COL6A2: variants seen among roughly 807,000 people sequenced by gnomAD.
The protein encoded by COL6A2 is collagen type VI alpha 2 chain.
In COL6A2, 90 loss-of-function variants were observed where a neutral mutation model predicts 124.9. The ratio of observed to expected loss-of-function variants is 0.72; its 90% CI spans 0.61 to 0.86. COL6A2 has a LOEUF of 0.86. Ranked by LOEUF, COL6A2 falls within the 40% of genes least tolerant of loss-of-function variation. The pLI is 0.00. For missense variants in COL6A2, 1,607 were observed against 1,502.5 expected, an observed-to-expected ratio of 1.07 and a Z score of -1.15; for synonymous variants, 793 against 618.2, an observed-to-expected ratio of 1.28 and a Z score of -4.19.
chr21:46,108,276 C>T (rs1465024466), intron 1 of COL6A2, among the ~76,000 whole-genome samples: 1 of 152,140 alleles, frequency 6.6e-6, no homozygotes, highest in Non-Finnish European at 1.5e-5. Flanking sequence ...GTAAGATCTG[C>T]ACTGTTTGCC....
At chr21:46,103,950 A>T (rs2078312401) in intron 1 of COL6A2, among the ~76,000 whole-genome samples, 1 of 152,222 alleles carries the variant, frequency 6.6e-6, no homozygotes, top group Admixed American at 6.5e-5. Context: ...ATTCAAAAGC[A>T]ACCATATATG....
At chr21:46,117,083 C>T (rs1014922477) in intron 10 of COL6A2, among the ~76,000 whole-genome samples, 12 of 152,330 alleles carry the variant, frequency 7.9e-5, no homozygotes, top group East Asian at 1.9e-4. Context: ...AACAAGCCTA[C>T]CCACTCCCAG....
chr21:46,128,581 G>GA (rs1269886855), intron 27 of COL6A2, among the ~76,000 whole-genome samples: 1 of 152,224 alleles, frequency 6.6e-6, no homozygotes, highest in African/African-American at 2.4e-5. Context: ...GTTGCGTGGG[G>GA]ACCAGAGGGT....
chr21:46,127,678 C>T (rs76680609), intron 27 of COL6A2, among the ~76,000 whole-genome samples: 1 of 152,106 alleles, frequency 6.6e-6, no homozygotes, highest in East Asian at 1.9e-4. Context: ...CTCGGGACCC[C>T]ATGATGGGCG....
At chr21:46,123,812 GTGGATGAATGGA>G (rs139665117) in intron 21 of COL6A2, among the ~76,000 whole-genome samples, 21 of 142,548 alleles carry the variant, frequency 1.5e-4, no homozygotes, top group African/African-American at 5.4e-4. Flanking sequence ...TAGTGGGTGG[GTGGATGAATGGA>G]TGGGTGCATA....
chr21:46,100,723 G>GTCAGCAT (rs1259710859), intron 1 of COL6A2, among the ~76,000 whole-genome samples: 1 of 152,150 alleles, frequency 6.6e-6, no homozygotes, highest in African/African-American at 2.4e-5. Flanking sequence ...TGTAACGTAT[G>GTCAGCAT]TCAGCATTCC....
intron 27 of COL6A2, chr21:46,128,944 T>C (rs777935408): frequency 2.5e-6 from 4 of 1,611,178 alleles, no homozygotes; most frequent in East Asian, 4.5e-5. Context: ...TTTCTCGGGG[T>C]CCGTGGTGTC....
At chr21:46,111,875 G>A (rs560359370) in intron 2 of COL6A2, 104 bp from the exon 3 acceptor site, 29 of 1,248,974 alleles carry the variant, frequency 2.3e-5, no homozygotes, top group Middle Eastern at 4.5e-4. Flanking sequence ...TCTGGCATTC[G>A]GGGGCAGTGA....
chr21:46,132,741 T>TC lies in COL6A2; in HGVS notation c.*191dup, dbSNP rs2078780595. The TC allele has an allele frequency of 3.3e-5, 20 of 597,266 alleles. 1 individual carries two copies. Among genetic ancestry groups the TC allele is most frequent in the Middle Eastern group, 8.8e-4 (2 of 2,274 alleles). 37.0% of individuals were successfully genotyped at this position (597,266 alleles called of 1,614,324 possible). A position where few individuals can be genotyped will look rare whatever the true frequency, so the allele number is the denominator to read the frequency against. ...CCCAGCCCCAGGTCTCCCCAGGCCCTCCGCAGGCTGCCCGGCCTCCCTCCC... is the reference window on the plus strand; with the variant it reads ...CCCAGCCCCAGGTCTCCCCAGGCCCTCCCGCAGGCTGCCCGGCCTCCCTCCC... On this transcript the variant is annotated 3_prime_UTR_variant, in exon 28 of 28. Transcript: ENST00000300527.
chr21:46,127,325 C>T (rs543156955), intron 27 of COL6A2, among the ~76,000 whole-genome samples: 14 of 152,160 alleles, frequency 9.2e-5, no homozygotes, highest in African/African-American at 2.9e-4. Flanking sequence ...ACGCGGGTCG[C>T]GGTGTGCGTT....
At chr21:46,106,805 G>A (rs4819201) in intron 1 of COL6A2, among the ~76,000 whole-genome samples, 67,284 of 152,010 alleles carry the variant, frequency 0.44, 17,038 homozygotes, top group Admixed American at 0.58. Flanking sequence ...TAATTTTATC[G>A]TTTCATTTGA....
intron 1 of COL6A2, among the ~76,000 whole-genome samples, chr21:46,101,811 C>T (rs1316693575): frequency 1.4e-5 from 2 of 144,318 alleles, no homozygotes; most frequent in Admixed American, 7.0e-5. Flanking sequence ...GAAATTAGGA[C>T]ATGTGAGTCC....
At chr21:46,126,464 C>T (rs1279301648) in intron 26 of COL6A2, 39 bp from the exon 27 acceptor site, 1 of 1,611,906 alleles carries the variant, frequency 6.2e-7, no homozygotes, top group African/African-American at 1.3e-5. Context: ...TCGCTAGGGA[C>T]TGACCCTGGC....
At chr21:46,110,120 G>A (rs1344767245) in intron 1 of COL6A2, among the ~76,000 whole-genome samples, 2 of 152,152 alleles carry the variant, frequency 1.3e-5, no homozygotes, top group East Asian at 3.9e-4. Context: ...CCAGACAGGG[G>A]CAACACCGCC....
At chr21:46,122,353 C>T (rs1025367647) in intron 19 of COL6A2, 143 bp from the exon 20 acceptor site, 3 of 1,302,320 alleles carry the variant, frequency 2.3e-6, no homozygotes, top group Non-Finnish European at 3.3e-6. Flanking sequence ...AGGAAAAGAG[C>T]ACAGCTCAGA....
At chr21:46,131,840 T>G (rs1327373383) in intron 27 of COL6A2, 114 bp from the exon 28 acceptor site, 48 of 993,382 alleles carry the variant, frequency 4.8e-5, no homozygotes, top group Non-Finnish European at 7.0e-5. Flanking sequence ...CAGAGCCCAG[T>G]GGTCTGTGAG....
rs374669895 is a variant in COL6A2 at position 46,125,623 on chromosome 21, C to T, written c.1969+6C>T. The T allele has an allele frequency of 2.7e-5, 27 of 990,310 alleles. No homozygotes were observed. Among genetic ancestry groups the T allele is most frequent in the Admixed American group, 7.7e-5 (4 of 51,798 alleles). 61.3% of individuals were successfully genotyped at this position (990,310 alleles called of 1,614,324 possible). A position where few individuals can be genotyped will look rare whatever the true frequency, so the allele number is the denominator to read the frequency against. On this transcript the variant is annotated splice_donor_region_variant and intron_variant, in intron 25 of 27. Coordinates refer to ENST00000300527, the MANE Select transcript of COL6A2 (RefSeq NM_001849.4). ...GGACCCCAAGTCCGAGACAGGTCAG[C>T]GGGGCAGGGGCGGGTGCAGCATTGC...
chr21:46,130,534 G>C (rs1012563584), intron 27 of COL6A2, among the ~76,000 whole-genome samples: 11 of 151,898 alleles, frequency 7.2e-5, no homozygotes, highest in African/African-American at 2.7e-4. Context: ...GGGGATGAAG[G>C]ATCCTCCACA....
chr21:46,118,971 C>T lies in COL6A2; in HGVS notation c.1180-59C>T, dbSNP rs534465494. On this transcript the variant is annotated intron_variant, in intron 13 of 27. Transcript: ENST00000300527. ...GGCTCCACACCACACACCGCACAGGCGTGACCATGCCTCAGGGCCCCTGCC... is the reference window on the plus strand; with the variant it reads ...GGCTCCACACCACACACCGCACAGGTGTGACCATGCCTCAGGGCCCCTGCC... The T allele has an allele frequency of 3.2e-4, 425 of 1,331,810 alleles. 2 individuals are homozygous for T. In the East Asian group the frequency reaches 8.5e-3, roughly 27 times the overall value. The allele number at this position is 1,331,810 out of a possible 1,614,324, so 82.5% of individuals were successfully genotyped here. A position where few individuals can be genotyped will look rare whatever the true frequency, so the allele number is the denominator to read the frequency against.
Sources: gnomAD v4.1 joint callset for allele counts (sites outside exome capture counted in the v4.1 genomes callset) on GRCh38, gnomAD v4.1.1 for gene constraint, MANE v1.5 for transcripts, NCBI Gene and HGNC (gene_info 2026-07-23, HGNC 2026-07-21) for gene names.